COPS9: variants seen among roughly 807,000 people sequenced by gnomAD.
COPS9 encodes COP9 signalosome complex subunit 9.
Under a neutral mutation model 7.2 loss-of-function variants are expected in COPS9, and 8 were observed. The ratio of observed to expected loss-of-function variants is 1.11; its 90% confidence interval spans 0.65 to 2.00. The LOEUF (loss-of-function observed/expected upper bound fraction) is 2.00. Ranked by LOEUF, COPS9 falls within the 30% of genes most tolerant of loss-of-function variation. COPS9 has a pLI of 0.00. For missense variants in COPS9, 74 were observed against 77.7 expected, an observed-to-expected ratio of 0.95 and a Z score of 0.18; for synonymous variants, 39 against 28.7, an observed-to-expected ratio of 1.36 and a Z score of -1.14.
chr2:240,135,505 G>A (rs940716741), intron 1 of COPS9, among the ~76,000 whole-genome samples: 1 of 152,138 alleles, frequency 6.6e-6, no homozygotes, highest in Non-Finnish European at 1.5e-5. Context: ...TGACATGTAG[G>A]AGCTGGCCTG....
Position 240,130,991 on chromosome 2 carries a change from G to C in COPS9, c.*60C>G, listed in dbSNP as rs981798386. The C allele has an allele frequency of 5.0e-6, 8 of 1,598,008 alleles. No homozygotes were observed. In the Admixed American group the frequency reaches 1.4e-4, roughly 28 times the overall value. ...TTAAAACCACCTGAAACTGTCCTGC[G>C]CAGGCTCACACTGCGGCTCTGTACC... On this transcript the variant is annotated 3_prime_UTR_variant, in exon 3 of 3. Coordinates refer to ENST00000607357, the MANE Select transcript of COPS9 (RefSeq NM_001163424.2).
At chr2:240,126,709 T>C (rs763467423), downstream of COPS9, 4 of 1,614,248 alleles carry the variant, frequency 2.5e-6, no homozygotes, top group South Asian at 4.4e-5. Context: ...CGCCTGCTTC[T>C]TGTGGTTCTG....
chr2:240,132,516 C>T lies in COPS9; in HGVS notation c.136+1417G>A, dbSNP rs2106556261. The stretch of plus-strand genomic sequence containing the variant: ...CCGTGGCTCAAAGGCAGACACGCGC[C>T]CACAATGCTCAGGTTGCTGGGCGCT... On this transcript the variant is annotated intron_variant, in intron 2 of 2. Transcript: ENST00000607357. The surrounding 1 kb of genome is among the most constrained non-coding windows in gnomAD (Gnocchi z 4.1). 6.6e-6 allele frequency among the ~76,000 whole-genome samples: 1 copy of T among 152,256 alleles called. No individual in the cohort carries two copies. Among genetic ancestry groups the T allele is most frequent in the African/African-American group, 2.4e-5 (1 of 41,568 alleles).
Position 240,136,293 on chromosome 2 carries a change from C to A in COPS9, c.-9G>T. Reference sequence around the variant, plus strand: ...TCCACCGCCGGCTTCATCTCGGGGCCGCGGCGCTCTAGGCTCACTTCCGGC... The same window carrying A: ...TCCACCGCCGGCTTCATCTCGGGGCAGCGGCGCTCTAGGCTCACTTCCGGC... On this transcript the variant is annotated 5_prime_UTR_variant, in exon 1 of 3. Coordinates refer to ENST00000607357, the MANE Select transcript of COPS9 (RefSeq NM_001163424.2). 6.4e-7 allele frequency: 1 copy of A among 1,561,432 alleles called. No individual in the cohort carries two copies. Among genetic ancestry groups the A allele is most frequent in the Non-Finnish European group, 8.6e-7 (1 of 1,157,848 alleles).
rs575703797 is a variant in COPS9 at position 240,132,313 on chromosome 2, T to A, written c.137-1225A>T. On this transcript the variant is annotated intron_variant, in intron 2 of 2. Transcript: ENST00000607357. The surrounding 1 kb of genome is among the most constrained non-coding windows in gnomAD (Gnocchi z 4.1). ...TAACAGCCCAGCAAACCCATCTGTT[T>A]GACGAGTAAAAAGGACTTAGCAAAA... Among the ~76,000 whole-genome samples the A allele has an allele frequency of 6.6e-6, 1 of 152,144 alleles. No homozygotes were observed. Among genetic ancestry groups the A allele is most frequent in the African/African-American group, 2.4e-5 (1 of 41,412 alleles).
chr2:240,133,174 A>C (rs75391734), intron 2 of COPS9, among the ~76,000 whole-genome samples: 2,356 of 152,318 alleles, frequency 0.015, 44 homozygotes, highest in East Asian at 0.089. Context: ...TCTGTAGAGA[A>C]AAGCACCATG....
At chr2:240,134,217 C>T in intron 1 of COPS9, 1 of 545,580 alleles carries the variant, frequency 1.8e-6, no homozygotes, top group Non-Finnish European at 3.2e-6. Context: ...CTCTCAAGGG[C>T]TTCTGTTCCT....
downstream of COPS9, among the ~76,000 whole-genome samples, chr2:240,127,315 C>A (rs948710214): frequency 1.3e-5 from 2 of 151,408 alleles, no homozygotes; most frequent in African/African-American, 4.9e-5. Context: ...TCCAAACCAC[C>A]CAGAGGCAGT....
At chr2:240,133,654 C>T (rs1315822170) in intron 2 of COPS9, among the ~76,000 whole-genome samples, 1 of 152,160 alleles carries the variant, frequency 6.6e-6, no homozygotes. Flanking sequence ...CTGAGGTGTC[C>T]GCAGGCACAT....
chr2:240,134,172 G>A (rs760521241), intron 1 of COPS9, 167 bp from the exon 2 acceptor site: 19 of 607,446 alleles, frequency 3.1e-5, no homozygotes, highest in South Asian at 1.0e-4. Context: ...GTATTGGGGG[G>A]AGGGGGAGGA....
chr2:240,129,854 G>A (rs1372892103), downstream of COPS9: 25 of 1,483,294 alleles, frequency 1.7e-5, no homozygotes, highest in Non-Finnish European at 2.1e-5. Flanking sequence ...CAGAAACAAA[G>A]CGGCAGCCTC....
downstream of COPS9, chr2:240,129,955 C>T (rs200381950): frequency 5.1e-5 from 83 of 1,614,016 alleles, no homozygotes; most frequent in Admixed American, 1.3e-4. Context: ...CCACGGACCC[C>T]GTGCTCCGAC....
downstream of COPS9, among the ~76,000 whole-genome samples, chr2:240,128,294 G>A (rs2071887411): frequency 6.6e-6 from 1 of 152,236 alleles, no homozygotes; most frequent in African/African-American, 2.4e-5. Flanking sequence ...CAAGAAGCCA[G>A]TGGGCAGGCA....
intron 1 of COPS9, chr2:240,135,948 G>C: frequency 6.1e-6 from 3 of 491,746 alleles, no homozygotes; most frequent in Non-Finnish European, 1.0e-5. Context: ...GTTCCCGGGG[G>C]CCGTGGGGGC....
downstream of COPS9, chr2:240,126,655 T>A: frequency 6.2e-7 from 1 of 1,614,162 alleles, no homozygotes; most frequent in Non-Finnish European, 8.5e-7. Context: ...CATTTACCCC[T>A]CCAGTGAGTA....
downstream of COPS9, chr2:240,126,963 G>A (rs373699268): frequency 1.1e-4 from 181 of 1,604,108 alleles, no homozygotes; most frequent in Non-Finnish European, 1.4e-4. Flanking sequence ...AAGGAAGCTC[G>A]TGACACTAGA....
chr2:240,126,628 T>C (rs1422710523), downstream of COPS9: 2 of 1,614,076 alleles, frequency 1.2e-6, no homozygotes, highest in East Asian at 2.2e-5. Flanking sequence ...ACGGATGGTG[T>C]TTCATCACTC....
intron 1 of COPS9, 72 bp from the exon 2 acceptor site, chr2:240,134,077 C>T (rs4853965): frequency 0.038 from 51,599 of 1,355,244 alleles, 1,512 homozygotes; most frequent in Admixed American, 0.15. Context: ...CATTGCAGGG[C>T]CACTACCCCC....
chr2:240,134,092 A>C, intron 1 of COPS9, 87 bp from the exon 2 acceptor site: 2 of 1,239,094 alleles, frequency 1.6e-6, no homozygotes, highest in Non-Finnish European at 2.3e-6. Flanking sequence ...ACCCCCACAA[A>C]AAAAGAAGAT....
Sources: gnomAD v4.1 joint callset for allele counts (sites outside exome capture counted in the v4.1 genomes callset) on GRCh38, gnomAD v4.1.1 for gene constraint, Gnocchi (gnomAD v3.1) non-coding constraint, MANE v1.5 for transcripts, NCBI Gene and HGNC (gene_info 2026-07-23, HGNC 2026-07-21) for gene names.